SMG5: variants seen among roughly 807,000 people sequenced by gnomAD.
SMG5 encodes SMG5 nonsense mediated mRNA decay factor.
A neutral mutation model predicts 122.9 loss-of-function variants in SMG5; 53 were observed. The observed-to-expected ratio is 0.43, with a 90% CI of 0.35 to 0.54. SMG5 has a LOEUF of 0.54. Among genes scored for constraint, SMG5 ranks in the 20% least tolerant of loss-of-function variants. The pLI is 0.01. For synonymous variants in SMG5, 477 were observed against 490.2 expected (o/e 0.97, Z 0.35); for missense variants, 1,153 against 1,285.6 (o/e 0.90, Z 1.58).
At chr1:156,285,109 G>C, upstream of SMG5, 1 of 1,330,178 alleles carries the variant, frequency 7.5e-7, no homozygotes, top group Non-Finnish European at 1.0e-6. Flanking sequence ...GCCCTGGAGA[G>C]TATGAGTTCT....
At position 156,267,509 on chromosome 1, in the gene SMG5, T is replaced by G; in HGVS notation, c.1078A>C (p.Ile360Leu). The part of the protein sequence containing the change: ...LPDLLIFQMV[I>L]ICLMCVHSLE... ...CTGTGCACACACATAAGGCAGATGA[T>G]GACCATTTGAAAGATGAGAAGGTCC... is the stretch of plus-strand genomic sequence containing the variant. Residue 360 changes from isoleucine (I) to leucine (L), a missense_variant, in exon 10 of 22, where the codon ATC becomes CTC. Around this residue, in one of 5 missense-constraint regions of SMG5, gnomAD observed 631 missense variants for 650.6 expected, o/e 0.97. Transcript: ENST00000361813. 6.2e-7 allele frequency: 1 copy of G among 1,614,184 alleles called. No homozygotes were observed. The highest frequency in any genetic ancestry group is 1.1e-5 in the South Asian group (1 of 91,078).
At chr1:156,267,774 G>T in intron 9 of SMG5, 96 bp from the exon 10 acceptor site, 1 of 1,113,268 alleles carries the variant, frequency 9.0e-7, no homozygotes, top group Non-Finnish European at 1.3e-6. Context: ...ACTATGGGAT[G>T]CTGCAGGGGA....
intron 4 of SMG5, 124 bp from the exon 5 acceptor site, chr1:156,274,810 G>C: frequency 1.4e-6 from 1 of 731,480 alleles, no homozygotes; most frequent in Non-Finnish European, 2.4e-6. Flanking sequence ...TTGTCTTTCA[G>C]GGCAGAGACA....
At chr1:156,255,802 C>T (rs539798529) in intron 16 of SMG5, among the ~76,000 whole-genome samples, 10 of 152,146 alleles carry the variant, frequency 6.6e-5, no homozygotes, top group Non-Finnish European at 7.4e-5. Context: ...ACTCAGGAGG[C>T]CGAGGCAGGA....
upstream of SMG5, chr1:156,285,874 C>G (rs200148935): frequency 6.2e-7 from 1 of 1,613,898 alleles, no homozygotes; most frequent in South Asian, 1.1e-5. Flanking sequence ...GCCTACTATA[C>G]GGGGCATATG....
Position 156,249,853 on chromosome 1 carries a change from C to T in SMG5, c.*734G>A. 2.1e-6 allele frequency: 1 copy of T among 471,258 alleles called. No homozygotes were observed. Among genetic ancestry groups the T allele is most frequent in the Non-Finnish European group, 4.4e-6 (1 of 227,066 alleles). The allele number at this position is 471,258 out of a possible 1,614,324, so 29.2% of individuals were successfully genotyped here. A position where few individuals can be genotyped will look rare whatever the true frequency, so the allele number is the denominator to read the frequency against. ...GTGGGCACAGGAGACCGTGCTGGCA[C>T]AGGCCAGACTGCCTGCAGCCCTAGG... is the stretch of plus-strand genomic sequence containing the variant. On this transcript the variant is annotated 3_prime_UTR_variant, in exon 22 of 22. Coordinates refer to ENST00000361813, the MANE Select transcript of SMG5 (RefSeq NM_015327.3).
At chr1:156,285,119 T>C, upstream of SMG5, 1 of 1,406,420 alleles carries the variant, frequency 7.1e-7, no homozygotes, top group Non-Finnish European at 9.5e-7. Flanking sequence ...GTATGAGTTC[T>C]GTCAACCTGT....
At chr1:156,262,929 T>C (rs1327225840) in intron 13 of SMG5, among the ~76,000 whole-genome samples, 1 of 152,232 alleles carries the variant, frequency 6.6e-6, no homozygotes, top group African/African-American at 2.4e-5. Flanking sequence ...CCAGCCTCCA[T>C]GGCAGCCGGC....
chr1:156,263,922 C>CA (rs1416900208), intron 12 of SMG5, among the ~76,000 whole-genome samples: 1 of 152,062 alleles, frequency 6.6e-6, no homozygotes, highest in African/African-American at 2.4e-5. Context: ...GCAGGGCAGA[C>CA]AGTTAGAGGG....
Position 156,267,681 on chromosome 1 carries a change from A to G in SMG5, c.909-3T>C, listed in dbSNP as rs1662215745. 22 of 1,605,036 alleles carry G rather than the reference A, an allele frequency of 1.4e-5. No individual in the cohort carries two copies. The highest frequency in any genetic ancestry group is 1.8e-5 in the Non-Finnish European group (21 of 1,176,188). On this transcript the variant is annotated splice_polypyrimidine_tract_variant and splice_region_variant and intron_variant, in intron 9 of 21. Transcript: ENST00000361813. ...AGGTCAGCTCTGAGTCCACGGAGCTACAGAGGGGCAGGAGTAACAGGGGAG... is the reference window on the plus strand; with the variant it reads ...AGGTCAGCTCTGAGTCCACGGAGCTGCAGAGGGGCAGGAGTAACAGGGGAG...
chr1:156,272,260 C>T lies in SMG5; in HGVS notation c.713+60G>A. The T allele has an allele frequency of 4.7e-6, 7 of 1,486,956 alleles. No homozygotes were observed. The South Asian group carries it at 6.0e-5, about 13-fold the overall frequency. The allele number at this position is 1,486,956 out of a possible 1,614,324, so 92.1% of individuals were successfully genotyped here. A position where few individuals can be genotyped will look rare whatever the true frequency, so the allele number is the denominator to read the frequency against. On this transcript the variant is annotated intron_variant, in intron 7 of 21. Coordinates refer to ENST00000361813, the MANE Select transcript of SMG5 (RefSeq NM_015327.3). ...GGAAGGAGGAAGGGAAGACGGAAAA[C>T]AAAGCCAAAATAATATGCACACAAA...
chr1:156,264,417 T>C (rs964225885), intron 12 of SMG5, among the ~76,000 whole-genome samples: 2 of 151,676 alleles, frequency 1.3e-5, no homozygotes, highest in Non-Finnish European at 2.9e-5. Context: ...TTAAGTCCCA[T>C]CCATGTGCCA....
rs878946342 is a variant in SMG5, at chr1:156,250,410, C to A, written c.*177G>T. On this transcript the variant is annotated 3_prime_UTR_variant, in exon 22 of 22. Transcript: ENST00000361813. ...TCCTAACGTCTTGGCAACAAAGGGACCCCACCCTCCCAGCCGGCTCCTGGG... is the reference window on the plus strand; with the variant it reads ...TCCTAACGTCTTGGCAACAAAGGGAACCCACCCTCCCAGCCGGCTCCTGGG... The A allele has an allele frequency of 6.2e-6, 4 of 646,588 alleles. No individual in the cohort carries two copies. Among genetic ancestry groups the A allele is most frequent in the South Asian group, 1.9e-5 (1 of 54,028 alleles). 40.1% of individuals were successfully genotyped at this position (646,588 alleles called of 1,614,324 possible). A position where few individuals can be genotyped will look rare whatever the true frequency, so the allele number is the denominator to read the frequency against.
At position 156,266,524 on chromosome 1, in the gene SMG5, C is replaced by A. The variant is rs1323148416; in HGVS notation, c.1255+17G>T. On this transcript the variant is annotated intron_variant, in intron 11 of 21. Transcript: ENST00000361813. Reference sequence around the variant, plus strand: ...ACACCAACCTTTCCATAGTGATGACCTCCCCGATTCTCCCACCTGTGCCAT... The same window carrying A: ...ACACCAACCTTTCCATAGTGATGACATCCCCGATTCTCCCACCTGTGCCAT... 1 of 1,614,106 alleles carries A rather than the reference C, an allele frequency of 6.2e-7. No homozygotes were observed. Among genetic ancestry groups the A allele is most frequent in the Non-Finnish European group, 8.5e-7 (1 of 1,180,020 alleles).
intron 6 of SMG5, 54 bp from the exon 7 acceptor site, chr1:156,272,452 G>A: frequency 6.8e-7 from 1 of 1,460,604 alleles, no homozygotes; most frequent in East Asian, 2.4e-5. Context: ...ATTCAAAGCT[G>A]CCAGGCCCAA....
At chr1:156,277,369 G>A (rs1662730291) in intron 3 of SMG5, 128 bp from the exon 4 acceptor site, 1 of 1,058,884 alleles carries the variant, frequency 9.4e-7, no homozygotes, top group Non-Finnish European at 1.4e-6. Context: ...ACAAGTTACT[G>A]TCATACTCTT....
intron 1 of SMG5, among the ~76,000 whole-genome samples, chr1:156,281,962 C>T (rs536512849): frequency 1.8e-4 from 28 of 152,256 alleles, no homozygotes; most frequent in Admixed American, 1.7e-3. Flanking sequence ...GGGAGGAAGG[C>T]AGGACTCAGG....
At chr1:156,285,777 G>A (rs757635449), upstream of SMG5, 3 of 1,613,420 alleles carry the variant, frequency 1.9e-6, no homozygotes, top group African/African-American at 2.7e-5. Context: ...CCGCCTGGCT[G>A]TTCCTGTGGG....
intron 10 of SMG5, 34 bp from the exon 11 acceptor site, chr1:156,266,712 G>A (rs1572586475): frequency 6.2e-7 from 1 of 1,612,416 alleles, no homozygotes; most frequent in African/African-American, 1.3e-5. Flanking sequence ...TAGGGGCCTA[G>A]GGCCCTGATG....
Sources: allele counts gnomAD v4.1 joint callset (sites outside exome capture counted in the v4.1 genomes callset), GRCh38; gene constraint gnomAD v4.1.1; regional missense constraint gnomAD v4.1.1; transcripts MANE v1.5; gene names NCBI Gene and HGNC (gene_info 2026-07-23, HGNC 2026-07-21).